The following UNC13A variants were observed in gnomAD, a reference collection of about 807,000 sequenced individuals.
UNC13A encodes protein unc-13 homolog A.
In UNC13A, 61 loss-of-function variants were observed where a neutral mutation model predicts 219.7. The ratio of observed to expected loss-of-function variants is 0.28; its 90% CI spans 0.23 to 0.34. The LOEUF (loss-of-function observed/expected upper bound fraction) is 0.34. Among genes scored for constraint, UNC13A ranks in the 10% least tolerant of loss-of-function variants. The pLI, the probability that UNC13A is intolerant of heterozygous loss-of-function variation, is 1.00. For missense variants in UNC13A, 1,476 were observed against 2,270.3 expected, an observed-to-expected ratio of 0.65 and a Z score of 7.11; for synonymous variants, 920 against 884.6, an observed-to-expected ratio of 1.04 and a Z score of -0.71.
Position 17,649,711 on chromosome 19 carries a change from C to T in UNC13A, c.1440-124G>A, listed in dbSNP as rs934440044. On this transcript the variant is annotated intron_variant, in intron 12 of 43. Transcript: ENST00000519716. This position sits in a 1 kb window ranked among gnomAD's most constrained non-coding sequence, Gnocchi z 4.4. ...AATTGGGTCCCTCAAAAAAAAGATA[C>T]GCTGATGCCCTAACCCCCACTACCT... is the stretch of plus-strand genomic sequence containing the variant. The T allele has an allele frequency of 1.3e-5, 13 of 1,000,262 alleles. No homozygotes were observed. The highest frequency in any genetic ancestry group is 2.1e-5 in the Admixed American group (1 of 48,500). The allele number at this position is 1,000,262 out of a possible 1,614,324, so 62.0% of individuals were successfully genotyped here. A position where few individuals can be genotyped will look rare whatever the true frequency, so the allele number is the denominator to read the frequency against.
At chr19:17,676,175 G>A in intron 1 of UNC13A, 134 bp from the exon 2 acceptor site, 1 of 958,888 alleles carries the variant, frequency 1.0e-6, no homozygotes, top group Non-Finnish European at 1.6e-6. Context: ...GACAGGCAAA[G>A]ATAAAAAGCA....
chr19:17,652,759 C>G (rs1050440224), intron 11 of UNC13A, 82 bp from the exon 12 acceptor site: 3 of 1,541,012 alleles, frequency 1.9e-6, no homozygotes, highest in Non-Finnish European at 2.7e-6. Context: ...TTCTGACTCC[C>G]CTCTGGGCTG....
intron 8 of UNC13A, among the ~76,000 whole-genome samples, chr19:17,661,848 T>C (rs986626532): frequency 1.2e-4 from 19 of 152,202 alleles, no homozygotes; most frequent in African/African-American, 4.3e-4. Context: ...TGGGCAGCGG[T>C]TGGGTGAGCG....
At chr19:17,609,895 GC>G in intron 43 of UNC13A, 44 bp downstream of exon 43, 1 of 1,605,702 alleles carries the variant, frequency 6.2e-7, no homozygotes, top group East Asian at 2.2e-5. Flanking sequence ...CCTGGCGGAT[GC>G]CCCCTCCCTT....
chr19:17,621,476 C>T (rs946691740), intron 37 of UNC13A, among the ~76,000 whole-genome samples: 3 of 152,114 alleles, frequency 2.0e-5, no homozygotes, highest in Non-Finnish European at 2.9e-5. Context: ...AAGAAATCTA[C>T]GTAAAAAACA....
intron 19 of UNC13A, 95 bp downstream of exon 19, chr19:17,645,579 C>T: frequency 6.5e-7 from 1 of 1,547,234 alleles, no homozygotes; most frequent in South Asian, 1.2e-5. Flanking sequence ...CCAAACTCCT[C>T]CTGAGAACAC....
chr19:17,629,788 C>A (rs553858459), intron 30 of UNC13A, among the ~76,000 whole-genome samples: 1 of 152,204 alleles, frequency 6.6e-6, no homozygotes, highest in South Asian at 2.1e-4. Flanking sequence ...CAAACTCCAA[C>A]CAAACAGCAT....
At chr19:17,679,111 A>AG (rs2079957465) in intron 1 of UNC13A, among the ~76,000 whole-genome samples, 1 of 152,020 alleles carries the variant, frequency 6.6e-6, no homozygotes, top group African/African-American at 2.4e-5. Flanking sequence ...ATAATTTAAA[A>AG]GGGAGAGAGG....
intron 26 of UNC13A, among the ~76,000 whole-genome samples, chr19:17,634,580 T>A (rs1211402068): frequency 6.6e-6 from 1 of 152,156 alleles, no homozygotes; most frequent in East Asian, 1.9e-4. Context: ...CCTCAGGTGA[T>A]CCTCCCGCCT....
chr19:17,626,793 C>T lies in UNC13A; in HGVS notation c.3921-8G>A. 6.2e-7 allele frequency: 1 copy of T among 1,608,592 alleles called. No homozygotes were observed. Among genetic ancestry groups the T allele is most frequent in the South Asian group, 1.1e-5 (1 of 90,270 alleles). On this transcript the variant is annotated splice_polypyrimidine_tract_variant and splice_region_variant and intron_variant, in intron 33 of 43. Coordinates refer to ENST00000519716, the MANE Select transcript of UNC13A (RefSeq NM_001080421.3). ...TCAATGTGCGGCTGGAAGCTGGGGA[C>T]ACAGAAGGGAAGGGCTCAGACCACA...
chr19:17,682,826 G>A (rs2080043612), intron 1 of UNC13A, among the ~76,000 whole-genome samples: 1 of 152,152 alleles, frequency 6.6e-6, no homozygotes, highest in Admixed American at 6.5e-5. Context: ...ACTTTGGGAG[G>A]CCAAAGCAGG....
intron 10 of UNC13A, 123 bp downstream of exon 10, chr19:17,655,760 A>G: frequency 7.1e-7 from 1 of 1,417,742 alleles, no homozygotes; most frequent in Non-Finnish European, 9.1e-7. Context: ...CCTTTAAGAA[A>G]CCCAAGAGCC....
intron 1 of UNC13A, among the ~76,000 whole-genome samples, chr19:17,678,307 C>T (rs897633543): frequency 2.0e-5 from 3 of 152,106 alleles, no homozygotes; most frequent in Admixed American, 6.6e-5. Context: ...GGGGAAACCT[C>T]GTCTCTCCTA....
chr19:17,632,061 C>A (rs2076861746), intron 28 of UNC13A, among the ~76,000 whole-genome samples: 2 of 152,206 alleles, frequency 1.3e-5, no homozygotes, highest in Admixed American at 1.3e-4. Context: ...CAGGCATCTG[C>A]CACCACACCT....
At chr19:17,629,489 C>A (rs2076818865) in intron 30 of UNC13A, among the ~76,000 whole-genome samples, 166 bp from the exon 31 acceptor site, 1 of 152,110 alleles carries the variant, frequency 6.6e-6, no homozygotes. Context: ...ACCATCAAGA[C>A]CTAGAGGAGA....
intron 31 of UNC13A, chr19:17,628,316 G>A (rs2076805124): frequency 5.3e-6 from 1 of 188,892 alleles, no homozygotes; most frequent in Non-Finnish European, 1.1e-5. Flanking sequence ...GAAGGCGTGT[G>A]CCCTCACCCC....
intron 21 of UNC13A, 36 bp from the exon 22 acceptor site, chr19:17,640,697 T>C: frequency 6.5e-7 from 1 of 1,537,948 alleles, no homozygotes; most frequent in East Asian, 2.4e-5. Context: ...AGGCCAGGGG[T>C]CCAGCCAGGA....
In UNC13A at chr19:17,628,144, G is replaced by A. The variant is rs372469755; in HGVS notation, c.3754-204C>T. The A allele has an allele frequency of 1.5e-4, 93 of 602,254 alleles. No individual in the cohort carries two copies. In the East Asian group the frequency reaches 2.4e-3, roughly 15 times the overall value. 37.3% of individuals were successfully genotyped at this position (602,254 alleles called of 1,614,324 possible). A position where few individuals can be genotyped will look rare whatever the true frequency, so the allele number is the denominator to read the frequency against. On this transcript the variant is annotated intron_variant, in intron 31 of 43. Transcript: ENST00000519716. ...GGGGCGGGCATCTCTGGGGACTGGT[G>A]GGGGCAAGGAGGACTCAAGTAATCC...
intron 16 of UNC13A, 21 bp downstream of exon 16, chr19:17,648,410 G>A: frequency 6.5e-7 from 1 of 1,539,530 alleles, no homozygotes; most frequent in Non-Finnish European, 8.7e-7. Context: ...CCGTGGCCCT[G>A]CGCTCAGGCC....
Sources: gnomAD v4.1 joint callset for allele counts (sites outside exome capture counted in the v4.1 genomes callset) on GRCh38, gnomAD v4.1.1 for gene constraint, Gnocchi (gnomAD v3.1) non-coding constraint, MANE v1.5 for transcripts, NCBI Gene and HGNC (gene_info 2026-07-23, HGNC 2026-07-21) for gene names.